Variants in PRDM15 observed in about 807,000 individuals in gnomAD.
PRDM15 encodes PR/SET domain 15.
In PRDM15, 64 loss-of-function variants were observed where a neutral mutation model predicts 128.6. The observed-to-expected ratio is 0.50, with a 90% CI of 0.41 to 0.61. PRDM15 has a LOEUF of 0.61. Ranked by LOEUF, PRDM15 falls within the 20% of genes least tolerant of loss-of-function variation. The pLI is 0.00. For synonymous variants in PRDM15, 615 were observed against 621.8 expected, an observed-to-expected ratio of 0.99 and a Z score of 0.16; for missense variants, 1,242 against 1,569.1, an observed-to-expected ratio of 0.79 and a Z score of 3.52.
At chr21:41,804,861 A>T in intron 21 of PRDM15, 2 of 344,068 alleles carry the variant, frequency 5.8e-6, no homozygotes, top group Non-Finnish European at 1.0e-5. Context: ...TCTCACGTCC[A>T]CTCCCCCAGT....
rs994127017 is a variant in PRDM15 at position 41,819,899 on chromosome 21, G to C, written c.2140+196C>G. 17 of 778,982 alleles carry C rather than the reference G, an allele frequency of 2.2e-5. No homozygotes were observed. In the South Asian group the frequency reaches 2.8e-4, roughly 13 times the overall value. 48.3% of individuals were successfully genotyped at this position (778,982 alleles called of 1,614,324 possible). On this transcript the variant is annotated intron_variant, in intron 17 of 23. Coordinates refer to ENST00000398548, the MANE Select transcript of PRDM15 (RefSeq NM_001040424.3). ...TCCAGTAGATCCCTGAGGACCTGGA[G>C]GGGTGAGGGGGCTGGGGGCGCTGGG...
rs550633583 is a variant in PRDM15, at chr21:41,821,519, GGGAGGA to G, written c.1897-295_1897-290del. 6.6e-6 allele frequency among the ~76,000 whole-genome samples: 1 copy of G among 152,132 alleles called. No individual in the cohort carries two copies. On this transcript the variant is annotated intron_variant, in intron 15 of 23. Transcript: ENST00000398548. The surrounding 1 kb of genome is among the most constrained non-coding windows in gnomAD (Gnocchi z 5.4). ...CTCGTGAGGGCTTCAGGCCTCAGCA[GGGAGGA>G]GGAGGGGGAGGAGAGAAGGGGAGGG...
chr21:41,819,508 C>G (rs1264464519), intron 18 of PRDM15, 74 bp downstream of exon 18: 1 of 1,367,428 alleles, frequency 7.3e-7, no homozygotes, highest in Non-Finnish European at 9.9e-7. Flanking sequence ...AGTTCTCGCT[C>G]ATGTCCCCTT....
intron 1 of PRDM15, among the ~76,000 whole-genome samples, chr21:41,870,015 C>T (rs1278671546): frequency 6.6e-6 from 1 of 152,206 alleles, no homozygotes; most frequent in Non-Finnish European, 1.5e-5. Flanking sequence ...ATGACTGCAG[C>T]TTTAATCAAG....
chr21:41,802,004 CTTCCTTTTCTATCCA>C (rs1411747375), intron 23 of PRDM15, among the ~76,000 whole-genome samples: 1 of 152,194 alleles, frequency 6.6e-6, no homozygotes, highest in Admixed American at 6.5e-5. Context: ...AAAACAGATG[CTTCCTTTTCTATCCA>C]TTCCTCTGAA....
chr21:41,871,080 G>A (rs969116457), intron 1 of PRDM15, among the ~76,000 whole-genome samples: 6 of 152,204 alleles, frequency 3.9e-5, no homozygotes. Context: ...ATACAGACAT[G>A]TAGATAAAAC....
intron 1 of PRDM15, among the ~76,000 whole-genome samples, chr21:41,865,982 C>A (rs1009746895): frequency 1.3e-5 from 2 of 152,148 alleles, no homozygotes; most frequent in African/African-American, 4.8e-5. Flanking sequence ...TGGCCTCAAG[C>A]AATCCTCCTG....
Position 41,859,481 on chromosome 21 carries a change from T to A in PRDM15, c.131+111A>T. On this transcript the variant is annotated intron_variant, in intron 3 of 23. Transcript: ENST00000398548. The surrounding 1 kb of genome is among the most constrained non-coding windows in gnomAD (Gnocchi z 5.3). ...CGGAATCGCTGGCTCTCACTCAGAG[T>A]GCCTCTGTTCTCCCTCAGGCTCCTT... The A allele has an allele frequency of 1.2e-6, 1 of 854,912 alleles. No homozygotes were observed. The highest frequency in any genetic ancestry group is 1.8e-6 in the Non-Finnish European group (1 of 545,902). The allele number at this position is 854,912 out of a possible 1,614,324, so 53.0% of individuals were successfully genotyped here.
intron 4 of PRDM15, among the ~76,000 whole-genome samples, chr21:41,855,466 T>C (rs558959002): frequency 6.6e-6 from 1 of 152,344 alleles, no homozygotes; most frequent in South Asian, 2.1e-4. Context: ...TCTTCCTCCC[T>C]GCAGGAAGAG....
At chr21:41,829,167 TCACA>T (rs1226393124) in intron 11 of PRDM15, among the ~76,000 whole-genome samples, 1 of 128,248 alleles carries the variant, frequency 7.8e-6, no homozygotes, top group Non-Finnish European at 1.6e-5. Flanking sequence ...AAATACACAA[TCACA>T]CACACCACAT....
chr21:41,861,272 A>G (rs2063799128), intron 1 of PRDM15, among the ~76,000 whole-genome samples: 1 of 152,190 alleles, frequency 6.6e-6, no homozygotes, highest in Admixed American at 6.5e-5. Flanking sequence ...GCTCCCACAT[A>G]AGCTGTTATC....
rs73903601 is a variant in PRDM15, at chr21:41,832,416, C to T, written c.1366+3021G>A. On this transcript the variant is annotated intron_variant, in intron 11 of 23. Coordinates refer to ENST00000398548, the MANE Select transcript of PRDM15 (RefSeq NM_001040424.3). The surrounding 1 kb of genome is among the most constrained non-coding windows in gnomAD (Gnocchi z 4.2). ...GATCACCAGAGGCCACACCTTACAG[C>T]GCTGTGGCATCGGATCACCACAGGC... Among the ~76,000 whole-genome samples the T allele has an allele frequency of 0.012, 1,845 of 151,804 alleles. 44 individuals carry two copies. Among genetic ancestry groups the T allele is most frequent in the African/African-American group, 0.042 (1,722 of 41,376 alleles).
chr21:41,831,823 T>C (rs2187309), intron 11 of PRDM15, among the ~76,000 whole-genome samples: 5,616 of 152,278 alleles, frequency 0.037, 167 homozygotes, highest in African/African-American at 0.084. Context: ...GCGAGGCTTC[T>C]CTGCCCACAT....
At position 41,821,667 on chromosome 21, in the gene PRDM15, G is replaced by A. The variant is rs923010151; in HGVS notation, c.1896+236C>T. On this transcript the variant is annotated intron_variant, in intron 15 of 23. Coordinates refer to ENST00000398548, the MANE Select transcript of PRDM15 (RefSeq NM_001040424.3). This position sits in a 1 kb window ranked among gnomAD's most constrained non-coding sequence, Gnocchi z 5.4. ...GTGTCACAAGGCAAGTTCCTGGAGG[G>A]CGCCTGTGAGACCCACACAGACCGT... Among the ~76,000 whole-genome samples the A allele has an allele frequency of 2.0e-5, 3 of 152,156 alleles. No homozygotes were observed. The highest frequency in any genetic ancestry group is 7.2e-5 in the African/African-American group (3 of 41,426).
chr21:41,826,539 C>A (rs62214688), intron 12 of PRDM15, among the ~76,000 whole-genome samples: 58,462 of 152,032 alleles, frequency 0.38, 11,443 homozygotes, highest in East Asian at 0.57. Context: ...CTGGTAAATA[C>A]AACCTTTATG....
At chr21:41,836,713 G>C in intron 8 of PRDM15, 64 bp from the exon 9 acceptor site, 1 of 1,408,218 alleles carries the variant, frequency 7.1e-7, no homozygotes, top group Non-Finnish European at 9.8e-7. Context: ...GTTACAAGCA[G>C]CATGAAAACG....
Position 41,822,030 on chromosome 21 carries a change from G to A in PRDM15, c.1769C>T (p.Ala590Val), listed in dbSNP as rs749887247. The change falls in exon 15 of 24, where the codon GCG becomes GTG. Residue 590 changes from alanine (A) to valine (V), a missense_variant. Around this residue, in one of 3 missense-constraint regions of PRDM15, gnomAD observed 602 missense variants for 788.3 expected, o/e 0.76. Transcript: ENST00000398548. ...TTCCCTCTGGTGGTCATCCATCAAC[G>A]CGATGTCCTGGAAAACAGCCACCAC... ...DHIHVHFKDI[A>V]LMDDHQREEF... is the part of the protein sequence containing the mutation. 8 of 1,613,840 alleles carry A rather than the reference G, an allele frequency of 5.0e-6. No homozygotes were observed. The highest frequency in any genetic ancestry group is 1.1e-5 in the South Asian group (1 of 91,086).
chr21:41,846,961 T>G, intron 6 of PRDM15, 129 bp downstream of exon 6: 5 of 641,146 alleles, frequency 7.8e-6, no homozygotes, highest in Non-Finnish European at 1.3e-5. Context: ...GGCGACTACA[T>G]TGTGGGGCAA....
intron 9 of PRDM15, 100 bp downstream of exon 9, chr21:41,836,368 T>TGGGAGACGACCCAAGGAG: frequency 7.3e-7 from 1 of 1,371,680 alleles, no homozygotes; most frequent in South Asian, 1.3e-5. Flanking sequence ...GCGCAGCTCG[T>TGGGAGACGACCCAAGGAG]GGGAGACGAC....
Sources: gnomAD v4.1 joint callset for allele counts (sites outside exome capture counted in the v4.1 genomes callset) on GRCh38, gnomAD v4.1.1 for gene constraint, gnomAD v4.1.1 regional missense constraint, Gnocchi (gnomAD v3.1) non-coding constraint, MANE v1.5 for transcripts, NCBI Gene and HGNC (gene_info 2026-07-23, HGNC 2026-07-21) for gene names.